AHCTF1: variants seen among roughly 807,000 people sequenced by gnomAD.
AHCTF1 encodes protein ELYS.
In AHCTF1, 24 loss-of-function variants were observed where a neutral mutation model predicts 248.4. That is an observed-to-expected ratio of 0.10 (90% confidence interval 0.07 to 0.14). AHCTF1 has a LOEUF of 0.14. Ranked by LOEUF, AHCTF1 falls within the 10% of genes least tolerant of loss-of-function variation. The pLI is 1.00. For missense variants in AHCTF1, 2,206 were observed against 2,636.2 expected, an observed-to-expected ratio of 0.84 and a Z score of 3.57; for synonymous variants, 786 against 929.8, an observed-to-expected ratio of 0.85 and a Z score of 2.81.
chr1:246,900,551 C>T, intron 8 of AHCTF1, 82 bp from the exon 9 acceptor site: 1 of 1,416,842 alleles, frequency 7.1e-7, no homozygotes, highest in Non-Finnish European at 9.5e-7. Context: ...GCAAGATTTT[C>T]TCATAAATTA....
intron 3 of AHCTF1, 92 bp from the exon 4 acceptor site, chr1:246,913,504 A>G (rs1665946004): frequency 2.4e-6 from 3 of 1,270,760 alleles, no homozygotes; most frequent in Non-Finnish European, 2.2e-6. Context: ...GTTATCAGTT[A>G]TAATAGATTT....
In AHCTF1 at chr1:246,876,172, G is replaced by A. The variant is rs914547764; in HGVS notation, c.2953C>T (p.Arg985Cys). ...KINVMNDRDP[R>C]LRERSLARNS... is the part of the protein sequence containing the mutation. Reference sequence around the variant, plus strand: ...CGAGCCAGTGATCTCTCCCGCAAACGAGGATCACGATCATTCTATTAAACA... The same window carrying A: ...CGAGCCAGTGATCTCTCCCGCAAACAAGGATCACGATCATTCTATTAAACA... Residue 985 changes from arginine (R) to cysteine (C), a missense_variant, in exon 24 of 36, where the codon CGT becomes TGT. Coordinates refer to ENST00000648844, the MANE Select transcript of AHCTF1 (RefSeq NM_001323342.2). 3.1e-6 allele frequency: 5 copies of A among 1,596,398 alleles called. No homozygotes were observed. Among genetic ancestry groups the A allele is most frequent in the East Asian group, 2.2e-5 (1 of 44,622 alleles).
intron 33 of AHCTF1, among the ~76,000 whole-genome samples, chr1:246,848,123 G>T (rs1016135920): frequency 2.6e-5 from 4 of 152,150 alleles, no homozygotes; most frequent in African/African-American, 9.7e-5. Flanking sequence ...GGGGAGAGGA[G>T]GATCCCCTAT....
chr1:246,854,434 C>T (rs1157319666), intron 31 of AHCTF1, among the ~76,000 whole-genome samples: 2 of 151,892 alleles, frequency 1.3e-5, no homozygotes, highest in Non-Finnish European at 2.9e-5. Context: ...AAACAAACCC[C>T]AAAATGGTGA....
At position 246,849,743 on chromosome 1, in the gene AHCTF1, G is replaced by A; in HGVS notation, c.6263C>T (p.Ala2088Val). ...GCTGCGGGATGATTTAGTGAAGGAA[G>A]CTGTGGCGAGCAATCTTTCTTCCTG... Reference protein sequence around the residue: ...NEQEERLLATASFTKSSRSSR... With the variant: ...NEQEERLLATVSFTKSSRSSR... Residue 2088 changes from alanine to valine, a missense_variant, in exon 33 of 36, where the codon GCT becomes GTT. Transcript: ENST00000648844. 2 of 1,614,004 alleles carry A rather than the reference G, an allele frequency of 1.2e-6. No individual in the cohort carries two copies. Among genetic ancestry groups the A allele is most frequent in the East Asian group, 2.2e-5 (1 of 44,890 alleles).
At position 246,881,850 on chromosome 1, in the gene AHCTF1, C is replaced by CA. The variant is rs943975884; in HGVS notation, c.2660+3642dup. ...AAGGCTCCGTCTCAAAAAAAAAAAC[C>CA]AAAAAAAAAAACAAAAAAAAAAGAA... On this transcript the variant is annotated intron_variant, in intron 21 of 35. Transcript: ENST00000648844. Among the ~76,000 whole-genome samples, 1,222 of 126,692 alleles carry CA rather than the reference C, an allele frequency of 9.6e-3. 25 individuals are homozygous for CA. Among genetic ancestry groups the CA allele is most frequent in the African/African-American group, 0.024 (811 of 34,028 alleles). 83.1% of individuals were successfully genotyped at this position (126,692 alleles called of 152,430 possible).
chr1:246,904,719 G>A (rs1459426567), intron 6 of AHCTF1, among the ~76,000 whole-genome samples: 1 of 152,188 alleles, frequency 6.6e-6, no homozygotes, highest in Non-Finnish European at 1.5e-5. Context: ...TGCAGTAAGT[G>A]TTAAGAGCAT....
chr1:246,895,995 T>C, intron 12 of AHCTF1, 70 bp from the exon 13 acceptor site: 1 of 1,322,274 alleles, frequency 7.6e-7, no homozygotes, highest in Non-Finnish European at 1.1e-6. Context: ...CAAGTTCTGG[T>C]TTAGAATTTA....
rs543237330 is a variant in AHCTF1, at chr1:246,858,558, G to A, written c.4133-744C>T. Among the ~76,000 whole-genome samples, 28 of 152,148 alleles carry A rather than the reference G, an allele frequency of 1.8e-4. No homozygotes were observed. In the South Asian group the frequency reaches 5.0e-3, roughly 27 times the overall value. ...ACAATAAAGATTTCTGGCCAGGCAC[G>A]GAGGCTCATACCTGTAATCCCAGCA... On this transcript the variant is annotated intron_variant, in intron 29 of 35. Coordinates refer to ENST00000648844, the MANE Select transcript of AHCTF1 (RefSeq NM_001323342.2).
chr1:246,903,652 AC>A (rs1038477874), intron 7 of AHCTF1, among the ~76,000 whole-genome samples: 3,513 of 88,202 alleles, frequency 0.04, 104 homozygotes, highest in Middle Eastern at 0.083. Context: ...AGATGGTGAG[AC>A]CCCCCCCCCT....
At chr1:246,860,089 G>A (rs190518781) in intron 29 of AHCTF1, among the ~76,000 whole-genome samples, 1,637 of 151,902 alleles carry the variant, frequency 0.011, 17 homozygotes, top group Non-Finnish European at 0.017. Flanking sequence ...GTGAAACCCC[G>A]TCTCTACTAA....
intron 1 of AHCTF1, among the ~76,000 whole-genome samples, chr1:246,927,038 C>T (rs1257876167): frequency 6.7e-6 from 1 of 150,210 alleles, no homozygotes; most frequent in African/African-American, 2.5e-5. Flanking sequence ...ATTAGCAGGG[C>T]GTGGTGACGG....
Position 246,898,246 on chromosome 1 carries a change from G to C in AHCTF1, c.1585C>G (p.Pro529Ala), listed in dbSNP as rs765024399. 1.2e-6 allele frequency: 2 copies of C among 1,612,282 alleles called. No individual in the cohort carries two copies. The highest frequency in any genetic ancestry group is 1.7e-6 in the Non-Finnish European group (2 of 1,179,976). ...GAAGGCTGAACATCAACAAATCTTG[G>C]GGAAAGAAGGCCAGCTACAAGACAT... ...NRCLVAGLLS[P>A]RFVDVQPSSL... Residue 529 changes from proline to alanine, a missense_variant, in exon 12 of 36, where the codon CCA becomes GCA. By Grantham distance (27) the Pro-to-Ala change is conservative. Coordinates refer to ENST00000648844, the MANE Select transcript of AHCTF1 (RefSeq NM_001323342.2).
Position 246,902,590 on chromosome 1 carries a change from A to C in AHCTF1, c.1052T>G (p.Leu351Trp). ...TTTCTCTATACTCTGGCATCCCAACAATTTGGTATTACTCGTCTGTCCCCT... is the reference window on the plus strand; with the variant it reads ...TTTCTCTATACTCTGGCATCCCAACCATTTGGTATTACTCGTCTGTCCCCT... ...PLRGQTSNTK[L>W]LGCQSIEKFR... Residue 351 changes from leucine to tryptophan, a missense_variant, in exon 8 of 36, where the codon TTG becomes TGG. Physicochemically the swap from Leu to Trp is moderately conservative, Grantham distance 61 (BLOSUM62 -2). Around this residue, in one of 6 missense-constraint regions of AHCTF1, gnomAD observed 650 missense variants for 870.8 expected, o/e 0.75. Transcript: ENST00000648844. The C allele has an allele frequency of 6.2e-7, 1 of 1,612,382 alleles. No homozygotes were observed. The highest frequency in any genetic ancestry group is 1.1e-5 in the South Asian group (1 of 91,000).
intron 27 of AHCTF1, 61 bp downstream of exon 27, chr1:246,863,863 G>C: frequency 6.5e-7 from 1 of 1,527,664 alleles, no homozygotes; most frequent in Non-Finnish European, 9.0e-7. Flanking sequence ...TTTTCTCCTT[G>C]CTACTTGAAA....
In AHCTF1 at chr1:246,877,153, A is replaced by G; in HGVS notation, c.2805+5T>C. 6.2e-7 allele frequency: 1 copy of G among 1,612,896 alleles called. No homozygotes were observed. The highest frequency in any genetic ancestry group is 8.5e-7 in the Non-Finnish European group (1 of 1,179,894). The stretch of plus-strand genomic sequence containing the variant: ...TCTGACAAGTTTACATCGGTAAGTA[A>G]TTACCTGCTCAGTGTCTGTAAATGG... On this transcript the variant is annotated splice_donor_5th_base_variant and intron_variant, in intron 22 of 35. Transcript: ENST00000648844.
rs573488669 is a variant in AHCTF1 at position 246,903,255 on chromosome 1, T to C, written c.967-580A>G. ...GCACCCCTCCGATCTCCTCAGGAAT[T>C]CAGCCAGATAAATAGGCAGCCATCT... On this transcript the variant is annotated intron_variant, in intron 7 of 35. Transcript: ENST00000648844. Among the ~76,000 whole-genome samples, 143 of 152,314 alleles carry C rather than the reference T, an allele frequency of 9.4e-4. 1 individual carries two copies. Among genetic ancestry groups the C allele is most frequent in the African/African-American group, 3.1e-3 (127 of 41,588 alleles).
intron 29 of AHCTF1, among the ~76,000 whole-genome samples, chr1:246,860,447 C>T (rs1173085864): frequency 2.6e-5 from 4 of 152,142 alleles, no homozygotes; most frequent in Admixed American, 6.5e-5. Context: ...TCTGAAATCT[C>T]GTACCTACTC....
intron 14 of AHCTF1, 84 bp downstream of exon 14, chr1:246,894,575 T>C (rs1208169673): frequency 1.8e-6 from 2 of 1,104,308 alleles, no homozygotes; most frequent in Non-Finnish European, 2.6e-6. Flanking sequence ...TTCAAAATGA[T>C]TAAAAATTAT....
Sources: gnomAD v4.1 joint callset for allele counts (sites outside exome capture counted in the v4.1 genomes callset) on GRCh38, gnomAD v4.1.1 for gene constraint, gnomAD v4.1.1 regional missense constraint, MANE v1.5 for transcripts, NCBI Gene and HGNC (gene_info 2026-07-23, HGNC 2026-07-21) for gene names.